Variants in FAM153A observed in about 807,000 individuals in gnomAD.
The protein encoded by FAM153A is family with sequence similarity 153 member A.
A neutral mutation model predicts 48.1 loss-of-function variants in FAM153A; 12 were observed. The ratio of observed to expected loss-of-function variants is 0.25; its 90% confidence interval spans 0.16 to 0.40. The LOEUF is 0.40. FAM153A is among the 10% of genes least tolerant of loss of function. FAM153A has a pLI of 1.00. For synonymous variants in FAM153A, 36 were observed against 118.2 expected (o/e 0.30, Z 4.51); for missense variants, 111 against 345.8 (o/e 0.32, Z 5.38).
At chr5:177,713,237 G>GTTTTCT (rs2127556947) in intron 26 of FAM153A, 1 of 149,056 alleles carries the variant, frequency 6.7e-6, no homozygotes, top group East Asian at 2.0e-4. Context: ...TTTCTTACGT[G>GTTTTCT]TTTTCTTTTT....
chr5:177,731,535 A>C lies in FAM153A; in HGVS notation c.862+34T>G, dbSNP rs371162758. On this transcript the variant is annotated intron_variant, in intron 16 of 20. Transcript: ENST00000614127. ...CCACCTTTACAACACTAAGATTTCA[A>C]ACCTAAACAAAGAGAGGATCCCAGA... 4.4e-5 allele frequency: 48 copies of C among 1,084,730 alleles called. 15 individuals carry two copies. The highest frequency in any genetic ancestry group is 4.9e-5 in the Non-Finnish European group (40 of 808,364). The allele number at this position is 1,084,730 out of a possible 1,614,324, so 67.2% of individuals were successfully genotyped here. A position where few individuals can be genotyped will look rare whatever the true frequency, so the allele number is the denominator to read the frequency against.
downstream of FAM153A, among the ~76,000 whole-genome samples, chr5:177,704,797 C>T (rs1223656425): frequency 1.3e-5 from 2 of 151,612 alleles, no homozygotes; most frequent in African/African-American, 2.4e-5. Flanking sequence ...CTCCGGAGTT[C>T]GAGACCAGCC....
chr5:177,711,750 T>C (rs1758513389), exon 27 of FAM153A: 1 of 151,866 alleles, frequency 6.6e-6, no homozygotes, highest in African/African-American at 2.4e-5. Flanking sequence ...AATAAGGTAA[T>C]AGATAGCCAT....
At chr5:177,781,363 C>T (rs1485516690), upstream of FAM153A, among the ~76,000 whole-genome samples, 2 of 145,178 alleles carry the variant, frequency 1.4e-5, no homozygotes, top group South Asian at 2.3e-4. Flanking sequence ...CCTCGTGATC[C>T]GCCCACCTCG....
At chr5:177,769,230 CAAAAAA>C (rs564065546) in intron 1 of FAM153A, among the ~76,000 whole-genome samples, 3 of 16,980 alleles carry the variant, frequency 1.8e-4, no homozygotes, top group African/African-American at 2.6e-4. Context: ...GACTCCGTCC[CAAAAAA>C]AAAAAAAAAA....
At chr5:177,715,526 T>C (rs1466061070) in intron 25 of FAM153A, among the ~76,000 whole-genome samples, 3 of 151,342 alleles carry the variant, frequency 2.0e-5, no homozygotes, top group Non-Finnish European at 1.5e-5. Context: ...GAATTTTTTT[T>C]CCAATCCAAG....
chr5:177,755,092 G>T (rs1767577289), upstream of FAM153A, among the ~76,000 whole-genome samples: 2 of 151,826 alleles, frequency 1.3e-5, 1 homozygote, highest in Middle Eastern at 6.9e-3. Flanking sequence ...CTTGAAAAAA[G>T]ATTAAATGAA....
intron 26 of FAM153A, chr5:177,713,298 T>C (rs1758835951): frequency 6.7e-6 from 1 of 149,000 alleles, no homozygotes; most frequent in East Asian, 2.0e-4. Context: ...TTGCCTAGGC[T>C]GGAGTGCAGT....
At chr5:177,769,631 G>A (rs1768996119) in intron 1 of FAM153A, among the ~76,000 whole-genome samples, 1 of 96,610 alleles carries the variant, frequency 1.0e-5, no homozygotes, top group African/African-American at 4.1e-5. Flanking sequence ...CCAGCTGCCA[G>A]TGGAGAAGAG....
chr5:177,732,581 AC>A (rs1764017051), intron 14 of FAM153A, among the ~76,000 whole-genome samples: 1 of 85,614 alleles, frequency 1.2e-5, no homozygotes, highest in Non-Finnish European at 2.4e-5. Flanking sequence ...TGCCATCTCG[AC>A]CCACCACAAC....
At chr5:177,756,532 C>T (rs1177774933), upstream of FAM153A, among the ~76,000 whole-genome samples, 31 of 139,582 alleles carry the variant, frequency 2.2e-4, no homozygotes, top group African/African-American at 7.0e-4. Flanking sequence ...ACAGAATATA[C>T]GTTCTTCTCA....
chr5:177,778,134 A>C, intron 1 of FAM153A, among the ~76,000 whole-genome samples: 1 of 26,036 alleles, frequency 3.8e-5, no homozygotes, highest in African/African-American at 1.9e-4. Flanking sequence ...GGGGGGAGGG[A>C]TAGAATTGGG....
At chr5:177,782,890 C>G (rs1408454973), upstream of FAM153A, 1 of 90,932 alleles carries the variant, frequency 1.1e-5, no homozygotes, top group Admixed American at 1.1e-4. Context: ...GCTGGGCTCG[C>G]GGGTTCTCCT....
At chr5:177,710,989 T>C (rs1291649271), downstream of FAM153A, 1 of 151,656 alleles carries the variant, frequency 6.6e-6, no homozygotes, top group Non-Finnish European at 1.5e-5. Flanking sequence ...ACTTCAAGGA[T>C]CAAAGAAAGA....
downstream of FAM153A, among the ~76,000 whole-genome samples, chr5:177,705,639 C>G (rs71601374): frequency 8.2e-6 from 1 of 121,962 alleles, no homozygotes; most frequent in African/African-American, 3.0e-5. Flanking sequence ...AACTAGAAAA[C>G]ATTTTTCTTT....
chr5:177,704,694 A>G (rs1688969099), downstream of FAM153A, among the ~76,000 whole-genome samples: 1 of 151,664 alleles, frequency 6.6e-6, no homozygotes, highest in Non-Finnish European at 1.5e-5. Flanking sequence ...ATCTCATGAG[A>G]TCGGGTTGTT....
intron 18 of FAM153A, among the ~76,000 whole-genome samples, chr5:177,728,603 C>T (rs1315690183): frequency 2.1e-5 from 3 of 146,042 alleles, no homozygotes; most frequent in Non-Finnish European, 4.5e-5. Context: ...GAGTTTCGCT[C>T]GTTGCCCAGG....
chr5:177,703,316 ATGG>A (rs1348599913), downstream of FAM153A, among the ~76,000 whole-genome samples: 30 of 152,090 alleles, frequency 2.0e-4, no homozygotes, highest in East Asian at 5.6e-3. Context: ...TCAGACTTGC[ATGG>A]GGCCTGTAGC....
chr5:177,713,643 T>C (rs1363160443), intron 26 of FAM153A: 1 of 151,914 alleles, frequency 6.6e-6, no homozygotes, highest in Admixed American at 6.6e-5. Flanking sequence ...CCTGACCTCA[T>C]GATCTGCCTG....
Sources: gnomAD v4.1 joint callset for allele counts (sites outside exome capture counted in the v4.1 genomes callset) on GRCh38, gnomAD v4.1.1 for gene constraint, MANE v1.5 for transcripts, NCBI Gene and HGNC (gene_info 2026-07-23, HGNC 2026-07-21) for gene names.